SS18L1: variants seen among roughly 807,000 people sequenced by gnomAD.
The protein encoded by SS18L1 is SS18L1 subunit of BAF chromatin remodeling complex.
SS18L1 carries 32 observed loss-of-function variants against 70.3 expected under a neutral mutation model. The ratio of observed to expected loss-of-function variants is 0.46; its 90% CI spans 0.34 to 0.61. SS18L1 has a LOEUF of 0.61. Among genes scored for constraint, SS18L1 ranks in the 20% least tolerant of loss-of-function variants. SS18L1 has a pLI of 0.01. For synonymous variants in SS18L1, 237 were observed against 229.7 expected (o/e 1.03, Z -0.29); for missense variants, 430 against 542.1 (o/e 0.79, Z 2.05).
At chr20:62,176,778 CAGAG>C (rs1159653019) in intron 10 of SS18L1, among the ~76,000 whole-genome samples, 6 of 148,944 alleles carry the variant, frequency 4.0e-5, no homozygotes, top group East Asian at 1.9e-4. Context: ...GCCTGGGCGA[CAGAG>C]AGACTCCATC....
chr20:62,177,252 T>C (rs940991390), intron 10 of SS18L1, among the ~76,000 whole-genome samples: 1 of 149,512 alleles, frequency 6.7e-6, no homozygotes, highest in Non-Finnish European at 1.5e-5. Context: ...TATTCCAGCA[T>C]GGGCAACAAG....
rs143665264 is a variant in SS18L1 at position 62,152,274 on chromosome 20, G to C, written c.70-6398G>C. 3.3e-5 allele frequency among the ~76,000 whole-genome samples: 5 copies of C among 152,290 alleles called. No homozygotes were observed. The East Asian group carries it at 7.7e-4, about 24-fold the overall frequency. On this transcript the variant is annotated intron_variant, in intron 1 of 10. Coordinates refer to ENST00000331758, the MANE Select transcript of SS18L1 (RefSeq NM_198935.3). ...GCAGAGCGGGTCGCACCTCCTCACT[G>C]TCGCCTCCACTCACCCAGGCCTAGG...
In SS18L1 at chr20:62,162,934, A is replaced by G. The variant is rs1465015753; in HGVS notation, c.556+3A>G. On this transcript the variant is annotated splice_donor_region_variant and intron_variant, in intron 5 of 10. Transcript: ENST00000331758. ...CATCAACATGCAGTCCAACCCAGGT[A>G]CCTACTCTGCCTCTGCAACCCCGGG... The G allele has an allele frequency of 4.3e-6, 7 of 1,609,702 alleles. No individual in the cohort carries two copies. Among genetic ancestry groups the G allele is most frequent in the African/African-American group, 1.4e-5 (1 of 73,270 alleles).
Position 62,181,164 on chromosome 20 carries a change from G to GA in SS18L1, c.*1958dup, listed in dbSNP as rs2057700900. The GA allele has an allele frequency of 5.1e-6, 1 of 195,530 alleles. No homozygotes were observed. Among genetic ancestry groups the GA allele is most frequent in the African/African-American group, 2.3e-5 (1 of 43,190 alleles). The allele number at this position is 195,530 out of a possible 1,614,324, so 12.1% of individuals were successfully genotyped here. On this transcript the variant is annotated 3_prime_UTR_variant, in exon 11 of 11. Transcript: ENST00000331758. The stretch of plus-strand genomic sequence containing the variant: ...CGGATGTCACGCACAAATGGGGAGA[G>GA]AAGTGTTTATTTTGTAGGCACTAAG...
intron 1 of SS18L1, among the ~76,000 whole-genome samples, chr20:62,144,206 C>T (rs1325708258): frequency 6.6e-6 from 1 of 151,486 alleles, no homozygotes; most frequent in Admixed American, 6.6e-5. Context: ...CGCGCTGTCC[C>T]CCGAGTCCGC....
rs773657696 is a variant in SS18L1 at position 62,172,749 on chromosome 20, C to G, written c.984C>G (p.Ser328=). The G allele has an allele frequency of 6.2e-7, 1 of 1,614,038 alleles. No individual in the cohort carries two copies. Among genetic ancestry groups the G allele is most frequent in the South Asian group, 1.1e-5 (1 of 91,082 alleles). ...QQGAAQQQTY[S]QQQYPSQQSY... is the part of the protein sequence containing the mutation. ...GTGCCGCGCAGCAGCAGACGTACTC[C>G]CAGCAGCAGTACCCCAGCCAGCAGA... is the stretch of plus-strand genomic sequence containing the variant. Residue 328 remains serine, a synonymous_variant, in exon 9 of 11, where the codon TCC becomes TCG. Coordinates refer to ENST00000331758, the MANE Select transcript of SS18L1 (RefSeq NM_198935.3).
chr20:62,166,543 C>G (rs1338225703), intron 8 of SS18L1, among the ~76,000 whole-genome samples: 1 of 152,076 alleles, frequency 6.6e-6, no homozygotes, highest in Non-Finnish European at 1.5e-5. Context: ...ACGGTGTGCG[C>G]TACGAATGCC....
Position 62,179,686 on chromosome 20 carries a change from T to C in SS18L1, c.*478T>C, listed in dbSNP as rs1322546323. The C allele has an allele frequency of 9.1e-6, 1 of 109,348 alleles. No individual in the cohort carries two copies. Among genetic ancestry groups the C allele is most frequent in the African/African-American group, 3.6e-5 (1 of 27,684 alleles). 6.8% of individuals were successfully genotyped at this position (109,348 alleles called of 1,614,324 possible). On this transcript the variant is annotated 3_prime_UTR_variant, in exon 11 of 11. Transcript: ENST00000331758. Reference sequence around the variant, plus strand: ...CACAGCTGGACACACATGCAGCCCCTGGAGGGCAGCCTCTTCCTGTGCCTC... The same window carrying C: ...CACAGCTGGACACACATGCAGCCCCCGGAGGGCAGCCTCTTCCTGTGCCTC...
In SS18L1 at chr20:62,175,164, A is replaced by C. The variant is rs550269330; in HGVS notation, c.1164+520A>C. The C allele has an allele frequency of 2.9e-4, 261 of 915,762 alleles. 4 individuals carry two copies. The East Asian group carries it at 0.025, about 87-fold the overall frequency. The allele number at this position is 915,762 out of a possible 1,614,324, so 56.7% of individuals were successfully genotyped here. A position where few individuals can be genotyped will look rare whatever the true frequency, so the allele number is the denominator to read the frequency against. ...ACAGCGGGGAGTGGCTGGCAGCCCC[A>C]GGCTCAGCCTAGGGAGGGGGAAGCC... is the stretch of plus-strand genomic sequence containing the variant. On this transcript the variant is annotated intron_variant, in intron 10 of 10. Transcript: ENST00000331758.
At chr20:62,163,274 C>G (rs2057364951) in intron 5 of SS18L1, among the ~76,000 whole-genome samples, 184 bp from the exon 6 acceptor site, 1 of 152,112 alleles carries the variant, frequency 6.6e-6, no homozygotes, top group Non-Finnish European at 1.5e-5. Flanking sequence ...AGCAGCGGGT[C>G]TGAGCTTGCA....
In SS18L1 at chr20:62,158,563, G is replaced by A. The variant is rs144810668; in HGVS notation, c.70-109G>A. 4.5e-3 allele frequency: 6,669 copies of A among 1,488,688 alleles called. 99 individuals carry two copies. In the African/African-American group the frequency reaches 0.047, roughly 11 times the overall value. The allele number at this position is 1,488,688 out of a possible 1,614,324, so 92.2% of individuals were successfully genotyped here. A position where few individuals can be genotyped will look rare whatever the true frequency, so the allele number is the denominator to read the frequency against. Reference sequence around the variant, plus strand: ...AAATCTGAAATCTGACACGTTTCACGTAAGGGACGCTCAACCTATATGAAA... The same window carrying A: ...AAATCTGAAATCTGACACGTTTCACATAAGGGACGCTCAACCTATATGAAA... On this transcript the variant is annotated intron_variant, in intron 1 of 10. Coordinates refer to ENST00000331758, the MANE Select transcript of SS18L1 (RefSeq NM_198935.3). This position sits in a 1 kb window ranked among gnomAD's most constrained non-coding sequence, Gnocchi z 4.5.
In SS18L1 at chr20:62,181,495, G is replaced by C. The variant is rs931655579; in HGVS notation, c.*2287G>C. 3 of 212,874 alleles carry C rather than the reference G, an allele frequency of 1.4e-5. No individual in the cohort carries two copies. Among genetic ancestry groups the C allele is most frequent in the African/African-American group, 6.8e-5 (3 of 44,086 alleles). 13.2% of individuals were successfully genotyped at this position (212,874 alleles called of 1,614,324 possible). A position where few individuals can be genotyped will look rare whatever the true frequency, so the allele number is the denominator to read the frequency against. On this transcript the variant is annotated 3_prime_UTR_variant, in exon 11 of 11. Coordinates refer to ENST00000331758, the MANE Select transcript of SS18L1 (RefSeq NM_198935.3). Reference sequence around the variant, plus strand: ...TTTGTGTGTTTGTGTGTTTTTTTAAGTGCTGTATTAATAATACTTTCTGAA... The same window carrying C: ...TTTGTGTGTTTGTGTGTTTTTTTAACTGCTGTATTAATAATACTTTCTGAA...
chr20:62,143,977 G>C (rs2056972510), intron 1 of SS18L1, 88 bp downstream of exon 1: 1 of 864,116 alleles, frequency 1.2e-6, no homozygotes, highest in African/African-American at 1.8e-5. Flanking sequence ...GCGGGCGCGG[G>C]GCGCGAACAA....
At chr20:62,164,768 C>G (rs2057397543) in intron 7 of SS18L1, among the ~76,000 whole-genome samples, 1 of 152,224 alleles carries the variant, frequency 6.6e-6, no homozygotes, top group Non-Finnish European at 1.5e-5. Flanking sequence ...GCGGTTCACA[C>G]CTGTCATTCC....
chr20:62,147,232 C>A (rs2057047154), intron 1 of SS18L1, among the ~76,000 whole-genome samples: 2 of 152,142 alleles, frequency 1.3e-5, no homozygotes, highest in African/African-American at 2.4e-5. Context: ...GGGAGGGTAG[C>A]TGGTGGTGAC....
Position 62,161,300 on chromosome 20 carries a change from CTGA to C in SS18L1, c.232-134_232-132del. The C allele has an allele frequency of 8.0e-7, 1 of 1,253,258 alleles. No individual in the cohort carries two copies. The highest frequency in any genetic ancestry group is 1.1e-6 in the Non-Finnish European group (1 of 873,838). The allele number at this position is 1,253,258 out of a possible 1,614,324, so 77.6% of individuals were successfully genotyped here. A position where few individuals can be genotyped will look rare whatever the true frequency, so the allele number is the denominator to read the frequency against. On this transcript the variant is annotated intron_variant, in intron 3 of 10. Coordinates refer to ENST00000331758, the MANE Select transcript of SS18L1 (RefSeq NM_198935.3). This position sits in a 1 kb window ranked among gnomAD's most constrained non-coding sequence, Gnocchi z 4.4. Reference sequence around the variant, plus strand: ...GGTCACCTGGCTGTGACGATGGCTGCTGATTACGAACATTGACCAGGTGGCCAT... The same window carrying C: ...GGTCACCTGGCTGTGACGATGGCTGCTTACGAACATTGACCAGGTGGCCAT...
intron 10 of SS18L1, among the ~76,000 whole-genome samples, chr20:62,178,141 C>CTTT (rs61157167): frequency 4.5e-4 from 44 of 97,804 alleles, no homozygotes; most frequent in African/African-American, 5.2e-4. Flanking sequence ...GTGGCTTATT[C>CTTT]TTTTTTTTTT....
chr20:62,149,838 T>C (rs2057095697), intron 1 of SS18L1, among the ~76,000 whole-genome samples: 1 of 152,184 alleles, frequency 6.6e-6, no homozygotes, highest in Admixed American at 6.5e-5. Context: ...TCCAGGGTCA[T>C]GTCAGAAAGA....
chr20:62,149,502 G>C (rs2057089894), intron 1 of SS18L1, among the ~76,000 whole-genome samples: 1 of 152,254 alleles, frequency 6.6e-6, no homozygotes, highest in Non-Finnish European at 1.5e-5. Flanking sequence ...GCAGGTCCTT[G>C]GTGTTACCAG....
Sources: allele counts gnomAD v4.1 joint callset (sites outside exome capture counted in the v4.1 genomes callset), GRCh38; gene constraint gnomAD v4.1.1; non-coding constraint Gnocchi (gnomAD v3.1); transcripts MANE v1.5; gene names NCBI Gene and HGNC (gene_info 2026-07-23, HGNC 2026-07-21).